HELZ: variants seen among roughly 807,000 people sequenced by gnomAD.
The protein encoded by HELZ is helicase with zinc finger.
In HELZ, 23 loss-of-function variants were observed where a neutral mutation model predicts 218.2. That is an observed-to-expected ratio of 0.11 (90% CI 0.08 to 0.15). HELZ has a LOEUF of 0.15. Among genes scored for constraint, HELZ ranks in the 10% least tolerant of loss-of-function variants. HELZ has a pLI of 1.00. For missense variants in HELZ, 1,813 were observed against 2,353.7 expected (o/e 0.77, Z 4.75); for synonymous variants, 814 against 829.4 (o/e 0.98, Z 0.32).
chr17:67,129,294 T>C (rs1388960678), intron 23 of HELZ, among the ~76,000 whole-genome samples: 1 of 151,960 alleles, frequency 6.6e-6, no homozygotes, highest in Non-Finnish European at 1.5e-5. Context: ...ATCACATAAT[T>C]CTAATTTATA....
chr17:67,200,030 T>C (rs1004915013), intron 7 of HELZ, among the ~76,000 whole-genome samples: 1 of 152,198 alleles, frequency 6.6e-6, no homozygotes, highest in African/African-American at 2.4e-5. Flanking sequence ...TTACTTGTTG[T>C]CTATCTCCTT....
At chr17:67,177,123 T>C (rs1304257069) in intron 13 of HELZ, among the ~76,000 whole-genome samples, 1 of 152,058 alleles carries the variant, frequency 6.6e-6, no homozygotes, top group Admixed American at 6.6e-5. Flanking sequence ...TGCCTGATTA[T>C]TTAACTTTTT....
rs550763715 is a variant in HELZ, at chr17:67,127,939, T to A, written c.3387+712A>T. 6.6e-5 allele frequency among the ~76,000 whole-genome samples: 10 copies of A among 152,198 alleles called. No homozygotes were observed. In the East Asian group the frequency reaches 1.7e-3, roughly 26 times the overall value. On this transcript the variant is annotated intron_variant, in intron 24 of 32. Coordinates refer to ENST00000358691, the MANE Select transcript of HELZ (RefSeq NM_014877.4). ...ACTTTAATATGCTGATGATTATAAA[T>A]ATCAAAGAAAAAAAACAGAACAAAT...
chr17:67,217,849 G>T (rs2040640657), intron 4 of HELZ, among the ~76,000 whole-genome samples: 1 of 150,698 alleles, frequency 6.6e-6, no homozygotes, highest in African/African-American at 2.4e-5. Flanking sequence ...AATCTCCCCT[G>T]CCCTGTTCTC....
rs539661406 is a variant in HELZ, at chr17:67,148,640, C to A, written c.2550G>T (p.Glu850Asp). The change falls in exon 20 of 33, where the codon GAG becomes GAT. Residue 850 changes from glutamate (E) to aspartate (D), a missense_variant. By Grantham distance (45) the Glu-to-Asp change is conservative (BLOSUM62 2). Transcript: ENST00000358691. ...LHVSLLDRLY[E>D]HYPAEFPCRI... ...TACATGGGAACTCAGCAGGGTAATG[C>A]TCATAGAGTCGGTCAAGTAATGAAA... 102 of 1,613,814 alleles carry A rather than the reference C, an allele frequency of 6.3e-5. No individual in the cohort carries two copies. In the South Asian group the frequency reaches 7.2e-4, roughly 11 times the overall value.
chr17:67,184,625 C>T (rs2039702762), intron 12 of HELZ, among the ~76,000 whole-genome samples: 1 of 152,022 alleles, frequency 6.6e-6, no homozygotes, highest in Non-Finnish European at 1.5e-5. Flanking sequence ...ACAGAGAGAC[C>T]TTGTCTCTAC....
At chr17:67,096,919 A>G (rs955651536) in intron 31 of HELZ, among the ~76,000 whole-genome samples, 2 of 152,228 alleles carry the variant, frequency 1.3e-5, no homozygotes, top group Non-Finnish European at 2.9e-5. Flanking sequence ...GCTAACTGTT[A>G]TAAGAGGCCT....
intron 28 of HELZ, among the ~76,000 whole-genome samples, chr17:67,112,044 CTA>C (rs1238859347): frequency 3.3e-5 from 5 of 152,132 alleles, no homozygotes; most frequent in Non-Finnish European, 5.9e-5. Context: ...AAGGACTGTG[CTA>C]TTCTACAATA....
Position 67,178,664 on chromosome 17 carries a change from G to C in HELZ, c.1425C>G (p.Ile475Met), listed in dbSNP as rs1303348724. Residue 475 changes from isoleucine to methionine, a missense_variant, in exon 13 of 33, where the codon ATC becomes ATG. Around this residue, in one of 4 missense-constraint regions of HELZ, gnomAD observed 714 missense variants for 1,029.2 expected, o/e 0.69. Transcript: ENST00000358691. ...GTGTTTCTAAAGTAACTTACTTGCT[G>C]ATTTCTTTATACTGGGCTATCTCCT... ...YIEEIAQYKE[I>M]SKFNLKVQLQ... 5.6e-6 allele frequency: 9 copies of C among 1,601,542 alleles called. No individual in the cohort carries two copies. Among genetic ancestry groups the C allele is most frequent in the African/African-American group, 1.3e-5 (1 of 74,322 alleles).
In HELZ at chr17:67,074,505, CTT is replaced by C. The variant is rs1285756954; in HGVS notation, c.*3745_*3746del. 2 of 152,134 alleles carry C rather than the reference CTT, an allele frequency of 1.3e-5. No individual in the cohort carries two copies. The highest frequency in any genetic ancestry group is 4.8e-5 in the African/African-American group (2 of 41,442). The allele number at this position is 152,134 out of a possible 1,614,324, so 9.4% of individuals were successfully genotyped here. ...TGAAATTGTTCTTCACACCCTGACT[CTT>C]AACAAAGGTGGCTCGCTCTAGCTAA... On this transcript the variant is annotated 3_prime_UTR_variant, in exon 33 of 33. Coordinates refer to ENST00000358691, the MANE Select transcript of HELZ (RefSeq NM_014877.4).
Position 67,190,052 on chromosome 17 carries a change from T to A in HELZ, c.756+105A>T, listed in dbSNP as rs77298908. 5.8e-4 allele frequency: 519 copies of A among 887,892 alleles called. 2 individuals are homozygous for A. The African/African-American group carries it at 7.7e-3, about 13-fold the overall frequency. The allele number at this position is 887,892 out of a possible 1,614,324, so 55.0% of individuals were successfully genotyped here. Reference sequence around the variant, plus strand: ...ATCATTCTATCAGAATCAAGTTCTTTGCAAAGAAGATAAGGAAATAAACCA... The same window carrying A: ...ATCATTCTATCAGAATCAAGTTCTTAGCAAAGAAGATAAGGAAATAAACCA... On this transcript the variant is annotated intron_variant, in intron 10 of 32. Coordinates refer to ENST00000358691, the MANE Select transcript of HELZ (RefSeq NM_014877.4).
intron 7 of HELZ, among the ~76,000 whole-genome samples, chr17:67,198,093 A>G (rs928897584): frequency 3.3e-5 from 5 of 152,250 alleles, no homozygotes; most frequent in African/African-American, 1.2e-4. Flanking sequence ...TAGATAGGCT[A>G]AAAATTAACT....
Position 67,114,403 on chromosome 17 carries a change from C to T in HELZ, c.3839G>A (p.Gly1280Asp). 6.4e-7 allele frequency: 1 copy of T among 1,573,150 alleles called. No individual in the cohort carries two copies. The highest frequency in any genetic ancestry group is 8.7e-7 in the Non-Finnish European group (1 of 1,143,184). Residue 1280 changes from glycine (G) to aspartate (D), a missense_variant and splice_region_variant, in exon 28 of 33, where the codon GGT becomes GAT. By Grantham distance (94) the Gly-to-Asp change is moderately conservative. Around this residue, in one of 4 missense-constraint regions of HELZ, gnomAD observed 938 missense variants for 1,027.5 expected, o/e 0.91. Transcript: ENST00000358691. The part of the protein sequence containing the change: ...EKDQHEQNRN[G>D]KSDTNNSGPE... ...TCCGGAATTATTTGTATCACTTTTA[C>T]CTAAGAAAATATTTAAAAATCCTTA...
intron 27 of HELZ, among the ~76,000 whole-genome samples, chr17:67,116,613 C>A (rs1047439236): frequency 6.6e-6 from 1 of 152,030 alleles, no homozygotes; most frequent in African/African-American, 2.4e-5. Context: ...GAAGGTCATT[C>A]CATAACGATA....
chr17:67,079,810 T>C (rs2036132496), intron 32 of HELZ, among the ~76,000 whole-genome samples: 1 of 152,200 alleles, frequency 6.6e-6, no homozygotes, highest in African/African-American at 2.4e-5. Context: ...GTATGAACAG[T>C]TTTCCTTGTT....
intron 24 of HELZ, among the ~76,000 whole-genome samples, chr17:67,125,424 A>G (rs1046102828): frequency 6.7e-6 from 1 of 149,214 alleles, no homozygotes; most frequent in East Asian, 1.9e-4. Flanking sequence ...TGGCAAAAGT[A>G]TAAGATGAGA....
intron 12 of HELZ, among the ~76,000 whole-genome samples, chr17:67,179,247 G>A (rs2039542172): frequency 2.0e-5 from 3 of 152,090 alleles, no homozygotes; most frequent in Non-Finnish European, 2.9e-5. Flanking sequence ...ATTTGAATCT[G>A]CGTGAAAAAG....
intron 27 of HELZ, among the ~76,000 whole-genome samples, chr17:67,118,219 G>A (rs2037487919): frequency 6.6e-6 from 1 of 152,200 alleles, no homozygotes; most frequent in South Asian, 2.1e-4. Flanking sequence ...AGGATCAACT[G>A]ATTTTCAACA....
intron 31 of HELZ, among the ~76,000 whole-genome samples, chr17:67,100,588 T>C (rs941730741): frequency 6.6e-6 from 1 of 152,182 alleles, no homozygotes; most frequent in African/African-American, 2.4e-5. Context: ...GGCAAAAGCT[T>C]TCCTTTGCAC....
Sources: allele counts gnomAD v4.1 joint callset (sites outside exome capture counted in the v4.1 genomes callset), GRCh38; gene constraint gnomAD v4.1.1; regional missense constraint gnomAD v4.1.1; transcripts MANE v1.5; gene names NCBI Gene and HGNC (gene_info 2026-07-23, HGNC 2026-07-21).